The following MSH3 variants were observed in gnomAD, a reference collection of about 807,000 sequenced individuals.
MSH3 encodes the protein mutS homolog 3.
Under a neutral mutation model 123.3 loss-of-function variants are expected in MSH3, and 106 were observed. The observed-to-expected ratio is 0.86, with a 90% CI of 0.73 to 1.01. MSH3 has a LOEUF of 1.01. Ranked by LOEUF, MSH3 falls within the 50% of genes least tolerant of loss-of-function variation. MSH3 has a pLI of 0.00. For synonymous variants in MSH3, 515 were observed against 481.4 expected, an observed-to-expected ratio of 1.07 and a Z score of -0.91; for missense variants, 1,459 against 1,347.6, an observed-to-expected ratio of 1.08 and a Z score of -1.29.
rs769413360 is a variant in MSH3 at position 80,674,945 on chromosome 5, A to G, written c.1028-38A>G. On this transcript the variant is annotated intron_variant, in intron 6 of 23. Coordinates refer to ENST00000265081, the MANE Select transcript of MSH3 (RefSeq NM_002439.5). ...GGAAATTTAGCATATTAGGATTTAG[A>G]ATTTAGCATATAATTATTTTTCTTT... 1.0e-5 allele frequency: 15 copies of G among 1,437,462 alleles called. No individual in the cohort carries two copies. Among genetic ancestry groups the G allele is most frequent in the Non-Finnish European group, 1.3e-5 (14 of 1,043,896 alleles). The allele number at this position is 1,437,462 out of a possible 1,614,324, so 89.0% of individuals were successfully genotyped here. A position where few individuals can be genotyped will look rare whatever the true frequency, so the allele number is the denominator to read the frequency against.
At chr5:80,734,880 G>C (rs1743476290) in intron 10 of MSH3, among the ~76,000 whole-genome samples, 1 of 152,122 alleles carries the variant, frequency 6.6e-6, no homozygotes, top group South Asian at 2.1e-4. Flanking sequence ...TCCTCTCTCA[G>C]GGTCACGGTT....
At chr5:80,779,400 G>A (rs1667275837) in intron 17 of MSH3, among the ~76,000 whole-genome samples, 1 of 151,932 alleles carries the variant, frequency 6.6e-6, no homozygotes, top group Non-Finnish European at 1.5e-5. Context: ...TATCTCTCAT[G>A]TATTTTTTTT....
At chr5:80,745,321 T>C (rs1285752830) in intron 12 of MSH3, among the ~76,000 whole-genome samples, 1 of 152,204 alleles carries the variant, frequency 6.6e-6, no homozygotes, top group Non-Finnish European at 1.5e-5. Flanking sequence ...GCAGATAAAT[T>C]TGGAGATTCT....
chr5:80,782,493 A>G (rs1744428395), intron 17 of MSH3, among the ~76,000 whole-genome samples: 1 of 152,150 alleles, frequency 6.6e-6, no homozygotes, highest in Admixed American at 6.5e-5. Context: ...GTTATATACA[A>G]GTACTTTACC....
At chr5:80,668,182 A>G (rs1000729582) in intron 3 of MSH3, among the ~76,000 whole-genome samples, 23 of 152,074 alleles carry the variant, frequency 1.5e-4, no homozygotes, top group South Asian at 2.1e-4. Flanking sequence ...TTGTCTCTTC[A>G]AGTTTGGCCG....
rs749001291 is a variant in MSH3, at chr5:80,654,888, CTGCAG to C, written c.162_166del (p.Ala55GlyfsTer28). The stretch of plus-strand genomic sequence containing the variant: ...CAGGTGGACCCTGGCGCTGCAGCGG[CTGCAG>C]CGGCCGCAGCGGCCGCAGCGCCCCC... On this transcript the variant is annotated frameshift_variant, in exon 1 of 24. Transcript: ENST00000265081. LOFTEE classifies it high-confidence loss of function. 1.2e-6 allele frequency: 1 copy of C among 859,338 alleles called. No individual in the cohort carries two copies. Among genetic ancestry groups the C allele is most frequent in the African/African-American group, 2.8e-5 (1 of 36,356 alleles). The allele number at this position is 859,338 out of a possible 1,614,324, so 53.2% of individuals were successfully genotyped here. A position where few individuals can be genotyped will look rare whatever the true frequency, so the allele number is the denominator to read the frequency against.
intron 3 of MSH3, 146 bp from the exon 4 acceptor site, chr5:80,669,951 T>G (rs1749666667): frequency 1.4e-6 from 1 of 717,678 alleles, no homozygotes; most frequent in East Asian, 2.7e-5. Context: ...TATGGATAGT[T>G]TGCCGGAATG....
At chr5:80,776,862 T>G (rs894171136) in intron 16 of MSH3, among the ~76,000 whole-genome samples, 6 of 148,334 alleles carry the variant, frequency 4.0e-5, no homozygotes, top group Admixed American at 1.4e-4. Context: ...ATTGTTACTT[T>G]ATTACATATA....
intron 8 of MSH3, among the ~76,000 whole-genome samples, chr5:80,680,102 A>G (rs528256803): frequency 1.3e-5 from 2 of 151,986 alleles, no homozygotes; most frequent in Non-Finnish European, 2.9e-5. Flanking sequence ...AAAAAAAAAA[A>G]TACAAAAATT....
At chr5:80,849,502 T>C (rs900145554) in intron 20 of MSH3, among the ~76,000 whole-genome samples, 3 of 152,138 alleles carry the variant, frequency 2.0e-5, no homozygotes, top group Non-Finnish European at 4.4e-5. Flanking sequence ...TTTCCATACA[T>C]CTCTGCAATC....
chr5:80,786,180 AAGT>A (rs1328130382), intron 17 of MSH3, among the ~76,000 whole-genome samples: 2 of 152,266 alleles, frequency 1.3e-5, no homozygotes, highest in South Asian at 2.1e-4. Flanking sequence ...AATTAAAAAA[AAGT>A]AGGCACCTTA....
rs185482290 is a variant in MSH3 at position 80,817,115 on chromosome 5, T to C, written c.2813+3374T>C. On this transcript the variant is annotated intron_variant, in intron 20 of 23. Transcript: ENST00000265081. ...GAACCTTAAAACTGCCAAGATTTCA[T>C]AGTTGAGTAAGAAGTTAAGGTTGAA... Among the ~76,000 whole-genome samples the C allele has an allele frequency of 2.1e-3, 318 of 152,254 alleles. 8 individuals are homozygous for C. Among genetic ancestry groups the C allele is most frequent in the Non-Finnish European group, 3.5e-4 (24 of 68,014 alleles).
intron 2 of MSH3, among the ~76,000 whole-genome samples, chr5:80,659,366 A>G (rs759117957): frequency 2.0e-5 from 3 of 152,174 alleles, no homozygotes; most frequent in African/African-American, 4.8e-5. Context: ...TCATCACCCC[A>G]AAAGAAACCC....
In MSH3 at chr5:80,708,596, T is replaced by A. The variant is rs545235252; in HGVS notation, c.1341-16857T>A. Among the ~76,000 whole-genome samples, 27 of 152,050 alleles carry A rather than the reference T, an allele frequency of 1.8e-4. No homozygotes were observed. The East Asian group carries it at 5.0e-3, about 28-fold the overall frequency. Reference sequence around the variant, plus strand: ...GCCCTGCAAGTAGTTGGGGTACAGATTTTCTTGTGGAGATGGAGTCTCACT... The same window carrying A: ...GCCCTGCAAGTAGTTGGGGTACAGAATTTCTTGTGGAGATGGAGTCTCACT... On this transcript the variant is annotated intron_variant, in intron 8 of 23. Transcript: ENST00000265081.
Position 80,743,886 on chromosome 5 carries a change from C to T in MSH3, c.1654-620C>T, listed in dbSNP as rs1194253029. ...AAAAAAAACCCAACTCAAGTGGAAA[C>T]AGCCATTTTAGGTCTCAAGATTTAA... is the stretch of plus-strand genomic sequence containing the variant. On this transcript the variant is annotated intron_variant, in intron 11 of 23. Coordinates refer to ENST00000265081, the MANE Select transcript of MSH3 (RefSeq NM_002439.5). Among the ~76,000 whole-genome samples, 10 of 148,964 alleles carry T rather than the reference C, an allele frequency of 6.7e-5. No individual in the cohort carries two copies. The South Asian group carries it at 2.2e-3, about 32-fold the overall frequency.
chr5:80,741,570 G>C, intron 11 of MSH3, 22 bp downstream of exon 11: 1 of 1,548,446 alleles, frequency 6.5e-7, no homozygotes, highest in Non-Finnish European at 8.9e-7. Flanking sequence ...ACAAGGGCTA[G>C]TTGATTATAA....
chr5:80,848,197 T>G (rs968346269), intron 20 of MSH3, among the ~76,000 whole-genome samples: 3 of 152,258 alleles, frequency 2.0e-5, no homozygotes, highest in African/African-American at 7.2e-5. Context: ...GCCACTGTAC[T>G]GCAGCCTGGG....
chr5:80,871,661 G>C (rs940372666), intron 22 of MSH3, among the ~76,000 whole-genome samples: 1 of 152,136 alleles, frequency 6.6e-6, no homozygotes, highest in Non-Finnish European at 1.5e-5. Context: ...ACAACATGGC[G>C]GCTGGCTTCC....
At chr5:80,771,267 T>TG (rs1744208729) in intron 15 of MSH3, among the ~76,000 whole-genome samples, 1 of 152,296 alleles carries the variant, frequency 6.6e-6, no homozygotes, top group East Asian at 1.9e-4. Context: ...GAGGATCGCT[T>TG]GAGCTCCGGA....
Sources: gnomAD v4.1 joint callset for allele counts (sites outside exome capture counted in the v4.1 genomes callset) on GRCh38, gnomAD v4.1.1 for gene constraint, MANE v1.5 for transcripts, NCBI Gene and HGNC (gene_info 2026-07-23, HGNC 2026-07-21) for gene names.